MTPN: variants seen among roughly 807,000 people sequenced by gnomAD.
The protein encoded by MTPN is granule cell differentiation protein.
Under a neutral mutation model 13.5 loss-of-function variants are expected in MTPN, and 2 were observed. The observed-to-expected ratio is 0.15, with a 90% CI of 0.06 to 0.47. The LOEUF is 0.47. Among genes scored for constraint, MTPN ranks in the 20% least tolerant of loss-of-function variants. The pLI, the probability that MTPN is intolerant of heterozygous loss-of-function variation, is 0.97. For missense variants in MTPN, 79 were observed against 137.9 expected (o/e 0.57, Z 2.14); for synonymous variants, 46 against 51.7 (o/e 0.89, Z 0.48).
At chr7:135,950,834 A>G (rs979902976) in intron 2 of MTPN, 152 bp from the exon 3 acceptor site, 30 of 657,752 alleles carry the variant, frequency 4.6e-5, no homozygotes, top group Middle Eastern at 4.2e-4. Flanking sequence ...CTAGTCTCTT[A>G]AAGCTACCAG....
chr7:135,948,834 AT>A (rs1164163274), intron 3 of MTPN, among the ~76,000 whole-genome samples: 28 of 152,170 alleles, frequency 1.8e-4, no homozygotes, highest in Admixed American at 9.2e-4. Context: ...AGGGCAGCTC[AT>A]TTAGTAAATG....
intron 1 of MTPN, among the ~76,000 whole-genome samples, chr7:135,971,921 C>A (rs540075967): frequency 1.3e-5 from 2 of 152,110 alleles, no homozygotes; most frequent in Non-Finnish European, 2.9e-5. Flanking sequence ...ACCATAAATA[C>A]AAAACATTCT....
In MTPN at chr7:135,927,461, A is replaced by G. The variant is rs73722917; in HGVS notation, c.*2465T>C. 4.3e-3 allele frequency: 6,460 copies of G among 1,519,352 alleles called. 250 individuals are homozygous for G. The African/African-American group carries it at 0.08, about 19-fold the overall frequency. The allele number at this position is 1,519,352 out of a possible 1,614,324, so 94.1% of individuals were successfully genotyped here. On this transcript the variant is annotated 3_prime_UTR_variant, in exon 4 of 4. Transcript: ENST00000393085. Reference sequence around the variant, plus strand: ...AATGACTGATTTAATACAAAACTACAGAACATGCAAAATTTTTTCTGAGAT... The same window carrying G: ...AATGACTGATTTAATACAAAACTACGGAACATGCAAAATTTTTTCTGAGAT...
chr7:135,962,805 CAG>C (rs1337264601), intron 1 of MTPN, among the ~76,000 whole-genome samples: 3 of 151,930 alleles, frequency 2.0e-5, no homozygotes, highest in Non-Finnish European at 4.4e-5. Flanking sequence ...GAATAATAAA[CAG>C]TACAATAAAA....
At chr7:135,934,781 C>CCT (rs1309200044) in intron 3 of MTPN, among the ~76,000 whole-genome samples, 1 of 152,172 alleles carries the variant, frequency 6.6e-6, no homozygotes, top group Non-Finnish European at 1.5e-5. Flanking sequence ...TCCACATTCT[C>CCT]CTGTCTAGCC....
chr7:135,941,786 G>C (rs1799213842), intron 3 of MTPN, among the ~76,000 whole-genome samples: 1 of 151,092 alleles, frequency 6.6e-6, no homozygotes, highest in Non-Finnish European at 1.5e-5. Flanking sequence ...AGGTTTCAGA[G>C]AAAAATTCAT....
At chr7:135,942,249 C>T (rs1361575927) in intron 3 of MTPN, among the ~76,000 whole-genome samples, 1 of 152,136 alleles carries the variant, frequency 6.6e-6, no homozygotes, top group Non-Finnish European at 1.5e-5. Context: ...TATGTCCACA[C>T]TTGAAAGAAA....
intron 3 of MTPN, among the ~76,000 whole-genome samples, chr7:135,944,603 C>T (rs764735272): frequency 7.2e-5 from 11 of 152,028 alleles, no homozygotes; most frequent in Admixed American, 3.9e-4. Flanking sequence ...GCCGAGATCA[C>T]GCCATTGCAC....
In MTPN at chr7:135,927,248, T is replaced by C; in HGVS notation, c.*2678A>G. The stretch of plus-strand genomic sequence containing the variant: ...GCTTCCACACACTGCACCTACCTAC[T>C]ACCTCTCTTCCATGCTTAACTGGGT... On this transcript the variant is annotated 3_prime_UTR_variant, in exon 4 of 4. Coordinates refer to ENST00000393085, the MANE Select transcript of MTPN (RefSeq NM_145808.4). 1 of 1,508,360 alleles carries C rather than the reference T, an allele frequency of 6.6e-7. No homozygotes were observed. The highest frequency in any genetic ancestry group is 1.3e-5 in the South Asian group (1 of 76,814). The allele number at this position is 1,508,360 out of a possible 1,614,324, so 93.4% of individuals were successfully genotyped here.
chr7:135,951,317 A>T (rs1799360993), intron 2 of MTPN, among the ~76,000 whole-genome samples, 200 bp downstream of exon 2: 1 of 152,194 alleles, frequency 6.6e-6, no homozygotes, highest in Non-Finnish European at 1.5e-5. Context: ...TTGTCAGCTT[A>T]AAAAAGTCAG....
chr7:135,958,927 G>A (rs1325425517), intron 1 of MTPN, among the ~76,000 whole-genome samples: 1 of 152,028 alleles, frequency 6.6e-6, no homozygotes, highest in Non-Finnish European at 1.5e-5. Flanking sequence ...TTCAAAGAAA[G>A]GAAATTAGTA....
chr7:135,929,669 G>T lies in MTPN; in HGVS notation c.*257C>A. ...GTCTTTGCTCTCCCTTGGGTATAAG[G>T]TGTATATTTTATTAGAAAGGGAAGA... On this transcript the variant is annotated 3_prime_UTR_variant, in exon 4 of 4. Transcript: ENST00000393085. 1 of 491,886 alleles carries T rather than the reference G, an allele frequency of 2.0e-6. No individual in the cohort carries two copies. Among genetic ancestry groups the T allele is most frequent in the Non-Finnish European group, 3.8e-6 (1 of 259,922 alleles). 30.5% of individuals were successfully genotyped at this position (491,886 alleles called of 1,614,324 possible).
intron 1 of MTPN, among the ~76,000 whole-genome samples, chr7:135,966,857 A>T (rs770114927): frequency 6.6e-6 from 1 of 152,124 alleles, no homozygotes; most frequent in Non-Finnish European, 1.5e-5. Flanking sequence ...TTCATACTAT[A>T]TAAGTAGGGA....
chr7:135,951,633 G>C lies in MTPN; in HGVS notation c.73-3C>G. The C allele has an allele frequency of 6.3e-7, 1 of 1,596,722 alleles. No individual in the cohort carries two copies. The highest frequency in any genetic ancestry group is 8.6e-7 in the Non-Finnish European group (1 of 1,167,560). On this transcript the variant is annotated splice_polypyrimidine_tract_variant and splice_region_variant and intron_variant, in intron 1 of 3. Transcript: ENST00000393085. ...AGTGTCCGGTTGACATCTTCTCCCTGATAAGAAAACCAAATGAAAACAATA... is the reference window on the plus strand; with the variant it reads ...AGTGTCCGGTTGACATCTTCTCCCTCATAAGAAAACCAAATGAAAACAATA...
chr7:135,957,367 G>C (rs538823126), intron 1 of MTPN, among the ~76,000 whole-genome samples: 2 of 151,940 alleles, frequency 1.3e-5, no homozygotes, highest in Non-Finnish European at 2.9e-5. Flanking sequence ...ATAGTGGAAA[G>C]GAGAAAGTCT....
chr7:135,941,440 T>C (rs2116358032), intron 3 of MTPN, among the ~76,000 whole-genome samples: 1 of 112,614 alleles, frequency 8.9e-6, no homozygotes, highest in South Asian at 2.7e-4. Context: ...ACCAAGTGGG[T>C]TAAGTGTTGA....
At position 135,950,687 on chromosome 7, in the gene MTPN, G is replaced by A; in HGVS notation, c.187-5C>T. On this transcript the variant is annotated splice_region_variant and splice_polypyrimidine_tract_variant and intron_variant, in intron 2 of 3. Transcript: ENST00000393085. ...AATATGATGTTTATCTGGAGCCTATGAAATAATAAACAGAGATAACTTTAT... is the reference window on the plus strand; with the variant it reads ...AATATGATGTTTATCTGGAGCCTATAAAATAATAAACAGAGATAACTTTAT... The A allele has an allele frequency of 1.9e-6, 3 of 1,592,678 alleles. 1 individual carries two copies. Among genetic ancestry groups the A allele is most frequent in the Middle Eastern group, 3.3e-4 (2 of 6,000 alleles).
At chr7:135,946,773 A>G in intron 3 of MTPN, among the ~76,000 whole-genome samples, 1 of 152,212 alleles carries the variant, frequency 6.6e-6, no homozygotes, top group Non-Finnish European at 1.5e-5. Flanking sequence ...TAAATGACAC[A>G]TGATTATACA....
intron 1 of MTPN, among the ~76,000 whole-genome samples, chr7:135,959,839 C>G (rs902801410): frequency 6.6e-6 from 1 of 151,202 alleles, no homozygotes; most frequent in African/African-American, 2.4e-5. Flanking sequence ...AATGGAACAT[C>G]TGTTTTTTTA....
Sources: gnomAD v4.1 joint callset for allele counts (sites outside exome capture counted in the v4.1 genomes callset) on GRCh38, gnomAD v4.1.1 for gene constraint, MANE v1.5 for transcripts, NCBI Gene and HGNC (gene_info 2026-07-23, HGNC 2026-07-21) for gene names.